The following HECW1 variants were observed in gnomAD, a reference collection of about 807,000 sequenced individuals.
HECW1 encodes HECT, C2 and WW domain containing E3 ubiquitin protein ligase 1.
A neutral mutation model predicts 182.3 loss-of-function variants in HECW1; 61 were observed. The observed-to-expected ratio is 0.33, with a 90% CI of 0.27 to 0.41. The LOEUF is 0.41. HECW1 is among the 10% of genes least tolerant of loss of function. The probability of loss-of-function intolerance (pLI) is 1.00; values close to 1 mark genes in which losing one functional copy is unlikely to be tolerated. For missense variants in HECW1, 1,739 were observed against 2,108.9 expected (o/e 0.82, Z 3.44); for synonymous variants, 859 against 832.6 (o/e 1.03, Z -0.55).
chr7:43,343,735 A>G (rs1362812031), intron 5 of HECW1, among the ~76,000 whole-genome samples: 2 of 151,864 alleles, frequency 1.3e-5, no homozygotes, highest in Admixed American at 1.3e-4. Context: ...ATACGTGTGC[A>G]TGTGTCTTTA....
intron 3 of HECW1, among the ~76,000 whole-genome samples, chr7:43,273,867 T>C (rs2152742774): frequency 6.6e-6 from 1 of 152,000 alleles, no homozygotes; most frequent in East Asian, 1.9e-4. Context: ...CTTTTTTTTT[T>C]TTTTGAGATG....
intron 6 of HECW1, among the ~76,000 whole-genome samples, chr7:43,383,227 G>A (rs146589147): frequency 9.3e-4 from 141 of 152,202 alleles, no homozygotes; most frequent in African/African-American, 3.2e-3. Flanking sequence ...ATTGTAAATC[G>A]TGCTACAATA....
At chr7:43,253,587 TG>T (rs901213469) in intron 3 of HECW1, among the ~76,000 whole-genome samples, 4 of 152,246 alleles carry the variant, frequency 2.6e-5, no homozygotes, top group Non-Finnish European at 4.4e-5. Context: ...TTTTGTTCCG[TG>T]CCTTCAGTTT....
chr7:43,189,046 C>G (rs749890924), intron 2 of HECW1, among the ~76,000 whole-genome samples: 1 of 152,130 alleles, frequency 6.6e-6, no homozygotes, highest in African/African-American at 2.4e-5. Flanking sequence ...TACACTCGTT[C>G]GCTTCCTTTC....
chr7:43,234,825 A>G (rs1272460416), intron 2 of HECW1, among the ~76,000 whole-genome samples: 1 of 152,200 alleles, frequency 6.6e-6, no homozygotes, highest in Non-Finnish European at 1.5e-5. Flanking sequence ...CCTGGTATGA[A>G]GTTGGCCCAC....
chr7:43,537,869 C>T (rs1471912337), intron 24 of HECW1, among the ~76,000 whole-genome samples: 8 of 152,290 alleles, frequency 5.3e-5, no homozygotes, highest in Middle Eastern at 6.8e-3. Context: ...GGAAATTCCA[C>T]CTTATGGTCT....
chr7:43,393,121 C>A (rs1226756786), intron 6 of HECW1, among the ~76,000 whole-genome samples: 1 of 152,208 alleles, frequency 6.6e-6, no homozygotes, highest in Non-Finnish European at 1.5e-5. Context: ...CAAGTATGCT[C>A]TGTTGTGGAA....
chr7:43,310,745 T>C (rs2152771657), intron 3 of HECW1, among the ~76,000 whole-genome samples: 1 of 152,314 alleles, frequency 6.6e-6, no homozygotes, highest in East Asian at 1.9e-4. Flanking sequence ...AAAAAGTCAA[T>C]AATTTGCATT....
At chr7:43,325,516 T>C (rs1038272005) in intron 5 of HECW1, among the ~76,000 whole-genome samples, 10 of 152,166 alleles carry the variant, frequency 6.6e-5, no homozygotes, top group African/African-American at 2.4e-4. Context: ...TACCTCCTTG[T>C]TCATCCAATT....
intron 24 of HECW1, chr7:43,523,165 G>A (rs543998906): frequency 6.2e-5 from 18 of 288,766 alleles, no homozygotes; most frequent in African/African-American, 1.6e-4. Context: ...CACCAGGCCC[G>A]GCTAATTTTT....
intron 5 of HECW1, among the ~76,000 whole-genome samples, chr7:43,336,032 TTC>T (rs1419581870): frequency 6.7e-6 from 1 of 150,096 alleles, no homozygotes; most frequent in Non-Finnish European, 1.5e-5. Flanking sequence ...TTCTTTTTCT[TTC>T]TTTCTCTCTC....
intron 17 of HECW1, among the ~76,000 whole-genome samples, chr7:43,483,926 C>G (rs1031672655): frequency 6.6e-6 from 1 of 152,028 alleles, no homozygotes; most frequent in Non-Finnish European, 1.5e-5. Flanking sequence ...TCGAGAGAGG[C>G]CTGCTAGAGA....
intron 2 of HECW1, among the ~76,000 whole-genome samples, chr7:43,151,649 T>C (rs1219499680): frequency 6.6e-6 from 1 of 152,096 alleles, no homozygotes; most frequent in African/African-American, 2.4e-5. Context: ...CAAATAAACA[T>C]TGCTAAAAAT....
intron 26 of HECW1, among the ~76,000 whole-genome samples, chr7:43,548,385 A>T (rs2081655592): frequency 6.6e-6 from 1 of 152,214 alleles, no homozygotes; most frequent in African/African-American, 2.4e-5. Flanking sequence ...GGACCCATGC[A>T]GTCCAAACCC....
chr7:43,501,326 A>G lies in HECW1; in HGVS notation c.3631+4A>G. ...TCTTCACCTCAGAACTCCCCAGGTA[A>G]CAGGAATCTGGCCTAATAGCTCCTG... On this transcript the variant is annotated splice_donor_region_variant and intron_variant, in intron 21 of 29. Transcript: ENST00000395891. The G allele has an allele frequency of 6.4e-7, 1 of 1,553,776 alleles. No homozygotes were observed. The highest frequency in any genetic ancestry group is 8.9e-7 in the Non-Finnish European group (1 of 1,127,118).
intron 2 of HECW1, among the ~76,000 whole-genome samples, chr7:43,219,585 G>A (rs112132844): frequency 3.9e-5 from 6 of 152,092 alleles, no homozygotes; most frequent in East Asian, 1.9e-4. Flanking sequence ...GGTCATGATC[G>A]ATTGAGCAAG....
intron 29 of HECW1, among the ~76,000 whole-genome samples, chr7:43,556,357 G>A (rs548374858): frequency 1.6e-3 from 243 of 152,282 alleles, no homozygotes; most frequent in Middle Eastern, 3.4e-3. Context: ...CATCACAGGG[G>A]ATGCAGTTGA....
At chr7:43,250,299 C>A (rs1184826258) in intron 3 of HECW1, among the ~76,000 whole-genome samples, 2 of 152,124 alleles carry the variant, frequency 1.3e-5, no homozygotes, top group Non-Finnish European at 2.9e-5. Flanking sequence ...AATGAGGGGT[C>A]TGTGACACCA....
chr7:43,274,472 G>A, intron 3 of HECW1: 2 of 624,090 alleles, frequency 3.2e-6, no homozygotes, highest in South Asian at 1.6e-5. Flanking sequence ...ACCATGGGCC[G>A]GCACCGCACC....
Sources: allele counts gnomAD v4.1 joint callset (sites outside exome capture counted in the v4.1 genomes callset), GRCh38; gene constraint gnomAD v4.1.1; transcripts MANE v1.5; gene names NCBI Gene and HGNC (gene_info 2026-07-23, HGNC 2026-07-21).